Variants in ARSF observed in about 807,000 individuals in gnomAD.
ARSF encodes arylsulfatase F.
Under a neutral mutation model 35.4 loss-of-function variants are expected in ARSF, and 33 were observed. That is an observed-to-expected ratio of 0.93 (90% CI 0.71 to 1.25). The LOEUF is 1.25. Among genes scored for constraint, ARSF ranks in the 50% most tolerant of loss-of-function variants. The pLI is 0.00. For synonymous variants in ARSF, 222 were observed against 193.1 expected, an observed-to-expected ratio of 1.15 and a Z score of -1.24; for missense variants, 501 against 480.2, an observed-to-expected ratio of 1.04 and a Z score of -0.40.
At chrX:3,103,429 T>C (rs1368773795) in intron 8 of ARSF, among the ~76,000 whole-genome samples, 2 of 110,179 alleles carry the variant, frequency 1.8e-5, no homozygotes, top group Non-Finnish European at 3.8e-5. Context: ...AAAAAAAATA[T>C]AGGAAGTTAC....
chrX:3,076,348 C>G (rs113673101), intron 3 of ARSF, among the ~76,000 whole-genome samples, 200 bp from the exon 4 acceptor site: 2 of 93,615 alleles, frequency 2.1e-5, no homozygotes, highest in Non-Finnish European at 4.3e-5. Context: ...CTCTCTCTCT[C>G]TTTCATCCTT....
intron 4 of ARSF, among the ~76,000 whole-genome samples, chrX:3,078,843 C>G: frequency 9.0e-6 from 1 of 111,155 alleles, no homozygotes; most frequent in Non-Finnish European, 1.9e-5. Context: ...GCATGTAGCT[C>G]TTTCCCAATA....
rs148628644 is a variant in ARSF, at chrX:3,088,980, T to C, written c.831-516T>C. Among the ~76,000 whole-genome samples the C allele has an allele frequency of 7.1e-4, 79 of 111,580 alleles. 1 individual carries two copies. In the East Asian group the frequency reaches 0.019, roughly 26 times the overall value. On this transcript the variant is annotated intron_variant, in intron 6 of 10. Coordinates refer to ENST00000381127, the MANE Select transcript of ARSF (RefSeq NM_001201539.2). ...GAATCATCAGAATATGGAAATGGTA[T>C]GCTTTGGTAAGTCAGCTTCTCATAG... is the stretch of plus-strand genomic sequence containing the variant.
At chrX:3,073,136 TATAA>T (rs1337980657) in intron 3 of ARSF, among the ~76,000 whole-genome samples, 2 of 99,138 alleles carry the variant, frequency 2.0e-5, no homozygotes, top group African/African-American at 7.2e-5. Flanking sequence ...ATTCATTTTA[TATAA>T]ATAAATATTT....
intron 7 of ARSF, among the ~76,000 whole-genome samples, chrX:3,094,853 CTT>C (rs1038845016): frequency 1.1e-4 from 12 of 108,746 alleles, no homozygotes; most frequent in Admixed American, 3.0e-4. Context: ...TAAAATATAA[CTT>C]AACCCTTTAT....
chrX:3,041,075 G>A (rs11797913), upstream of ARSF, among the ~76,000 whole-genome samples: 1,620 of 110,576 alleles, frequency 0.015, 16 homozygotes, highest in Middle Eastern at 0.047. Context: ...GTGTAAGCGG[G>A]AAAAGCTTGA....
intron 7 of ARSF, among the ~76,000 whole-genome samples, chrX:3,098,047 A>AACACAAACAC (rs1555923082): frequency 9.1e-5 from 8 of 88,074 alleles, no homozygotes; most frequent in African/African-American, 3.4e-4. Context: ...ATACACACAC[A>AACACAAACAC]ACACACACAC....
chrX:3,089,034 T>G lies in ARSF; in HGVS notation c.831-462T>G, dbSNP rs936792314. 2.7e-5 allele frequency among the ~76,000 whole-genome samples: 3 copies of G among 111,623 alleles called. No homozygotes were observed. In the East Asian group the frequency reaches 8.4e-4, roughly 31 times the overall value. ...CCTTCAGAGAAGCAGACATCAGCAG[T>G]TTCCCTGGTATGCACAACCTGAAAG... On this transcript the variant is annotated intron_variant, in intron 6 of 10. Coordinates refer to ENST00000381127, the MANE Select transcript of ARSF (RefSeq NM_001201539.2).
intron 4 of ARSF, among the ~76,000 whole-genome samples, chrX:3,077,653 G>A (rs2090162859): frequency 9.2e-6 from 1 of 108,438 alleles, no homozygotes; most frequent in South Asian, 4.1e-4. Context: ...CAAACAAACA[G>A]CAACAACAAC....
intron 1 of ARSF, among the ~76,000 whole-genome samples, chrX:3,045,456 A>C (rs1433160067): frequency 9.0e-6 from 1 of 111,538 alleles, no homozygotes; most frequent in Non-Finnish European, 1.9e-5. Context: ...ATAGGACGCA[A>C]AAGATTGGTT....
At chrX:3,100,726 A>G (rs1235656411) in intron 7 of ARSF, among the ~76,000 whole-genome samples, 1 of 110,932 alleles carries the variant, frequency 9.0e-6, no homozygotes, top group Admixed American at 9.6e-5. Flanking sequence ...CCACCTGAGT[A>G]GCTGGGATTA....
chrX:3,083,582 ATCTT>A, intron 5 of ARSF, among the ~76,000 whole-genome samples: 1 of 110,081 alleles, frequency 9.1e-6, no homozygotes, highest in Admixed American at 9.8e-5. Context: ...CTATCTGCCT[ATCTT>A]TCTGTCTACA....
chrX:3,055,820 G>C (rs968200248), intron 1 of ARSF, among the ~76,000 whole-genome samples: 1 of 111,327 alleles, frequency 9.0e-6, no homozygotes, highest in Non-Finnish European at 1.9e-5. Flanking sequence ...ACCTCTACTG[G>C]CTTCCTGCCT....
chrX:3,072,501 T>G (rs1368038179), intron 3 of ARSF, among the ~76,000 whole-genome samples: 2 of 111,187 alleles, frequency 1.8e-5, no homozygotes, highest in African/African-American at 6.5e-5. Context: ...CCTCTAGCAT[T>G]AACCAGGATG....
At chrX:3,044,236 A>C (rs778225677) in intron 1 of ARSF, among the ~76,000 whole-genome samples, 1 of 112,503 alleles carries the variant, frequency 8.9e-6, no homozygotes, top group East Asian at 2.8e-4. Flanking sequence ...TTCCTTTAGT[A>C]ATCTTTGGTA....
intron 9 of ARSF, among the ~76,000 whole-genome samples, chrX:3,109,786 G>A (rs993230088): frequency 1.8e-5 from 2 of 112,317 alleles, no homozygotes; most frequent in African/African-American, 3.2e-5. Context: ...TCAAAGGGTA[G>A]CAATATAATT....
At chrX:3,102,131 A>AT (rs201432547) in intron 8 of ARSF, among the ~76,000 whole-genome samples, 1 of 111,210 alleles carries the variant, frequency 9.0e-6, no homozygotes, top group Non-Finnish European at 1.9e-5. Context: ...TAGACATTCT[A>AT]TTTTAAAAAA....
intron 7 of ARSF, among the ~76,000 whole-genome samples, chrX:3,092,496 G>A (rs1004878258): frequency 8.0e-5 from 9 of 111,953 alleles, no homozygotes; most frequent in Admixed American, 6.7e-4. Context: ...AAGGCACTTT[G>A]GGTATGACTT....
Position 3,080,984 on chromosome X carries a change from A to G in ARSF, c.377A>G (p.Lys126Arg). The G allele has an allele frequency of 1.7e-6, 2 of 1,211,751 alleles. No homozygotes were observed. Among genetic ancestry groups the G allele is most frequent in the Non-Finnish European group, 2.2e-6 (2 of 895,316 alleles). ...GAGACAACACTTGCAGCCTTGCTAAAGAAGCAAGGATACAGCACGGGGCTT... is the reference window on the plus strand; with the variant it reads ...GAGACAACACTTGCAGCCTTGCTAAGGAAGCAAGGATACAGCACGGGGCTT... ...LNETTLAALL[K>R]KQGYSTGLIG... Residue 126 changes from lysine (K) to arginine (R), a missense_variant, in exon 5 of 11, where the codon AAG (lysine) becomes AGG (arginine). Coordinates refer to ENST00000381127, the MANE Select transcript of ARSF (RefSeq NM_001201539.2).
Sources: gnomAD v4.1 joint callset for allele counts (sites outside exome capture counted in the v4.1 genomes callset) on GRCh38, gnomAD v4.1.1 for gene constraint, MANE v1.5 for transcripts, NCBI Gene and HGNC (gene_info 2026-07-23, HGNC 2026-07-21) for gene names.